Variants in SAMMSON observed in about 807,000 individuals in gnomAD.
The protein encoded by SAMMSON is long intergenic non-protein coding RNA 1212.
intron 1 of SAMMSON, among the ~76,000 whole-genome samples, chr3:70,001,254 T>G (rs891226472): frequency 6.6e-6 from 1 of 152,144 alleles, no homozygotes; most frequent in Non-Finnish European, 1.5e-5. Flanking sequence ...AAACGAAAAG[T>G]AAGTCTGTCT....
chr3:70,128,887 A>G (rs2067469385), intron 4 of SAMMSON, among the ~76,000 whole-genome samples: 1 of 152,228 alleles, frequency 6.6e-6, no homozygotes, highest in Non-Finnish European at 1.5e-5. Flanking sequence ...GTAGTGCAGG[A>G]AAGTGAAAAG....
chr3:70,108,390 ATCCATGTTAGTGTTTC>A (rs1311352008), intron 4 of SAMMSON, among the ~76,000 whole-genome samples: 1 of 127,788 alleles, frequency 7.8e-6, no homozygotes, highest in Non-Finnish European at 1.7e-5. Flanking sequence ...CGCATAGCTT[ATCCATGTTAGTGTTTC>A]TCAACTCTTG....
At chr3:70,372,424 G>C (rs1483001091) in intron 9 of SAMMSON, among the ~76,000 whole-genome samples, 2 of 152,006 alleles carry the variant, frequency 1.3e-5, no homozygotes, top group Admixed American at 6.6e-5. Flanking sequence ...TGATTCTGCT[G>C]CCTCGGCCTC....
chr3:70,379,787 T>C (rs528935513), intron 9 of SAMMSON, among the ~76,000 whole-genome samples: 1 of 151,744 alleles, frequency 6.6e-6, no homozygotes, highest in African/African-American at 2.4e-5. Flanking sequence ...AAAAGCAAAG[T>C]GCAAAAAAAA....
At chr3:70,108,258 C>T (rs1005299253) in intron 4 of SAMMSON, among the ~76,000 whole-genome samples, 7 of 151,860 alleles carry the variant, frequency 4.6e-5, no homozygotes, top group South Asian at 2.1e-4. Flanking sequence ...AGCAACAAGG[C>T]GCCCTGGTGG....
chr3:70,165,170 T>A (rs2067632005), intron 4 of SAMMSON, among the ~76,000 whole-genome samples: 1 of 152,052 alleles, frequency 6.6e-6, no homozygotes, highest in Non-Finnish European at 1.5e-5. Flanking sequence ...ACAAATCTCT[T>A]AATTAGGATG....
At chr3:70,166,442 A>G (rs2067637606) in intron 4 of SAMMSON, among the ~76,000 whole-genome samples, 2 of 149,592 alleles carry the variant, frequency 1.3e-5, no homozygotes, top group Non-Finnish European at 3.0e-5. Flanking sequence ...GTAGATCTCT[A>G]GAAGAGGTGT....
At chr3:70,001,453 G>GT (rs200222434) in intron 1 of SAMMSON, among the ~76,000 whole-genome samples, 7,384 of 128,592 alleles carry the variant, frequency 0.057, 281 homozygotes, top group African/African-American at 0.11. Context: ...TGTTTCTAGT[G>GT]TTTTTTTTTT....
intron 2 of SAMMSON, among the ~76,000 whole-genome samples, chr3:70,427,686 C>A (rs1367641905): frequency 6.9e-6 from 1 of 145,958 alleles, no homozygotes; most frequent in African/African-American, 2.5e-5. Flanking sequence ...TGCAGTGAGT[C>A]GAGATCGCGC....
intron 2 of SAMMSON, among the ~76,000 whole-genome samples, chr3:70,426,121 A>G (rs938313816): frequency 4.6e-5 from 7 of 152,224 alleles, no homozygotes; most frequent in African/African-American, 1.7e-4. Flanking sequence ...TAATCCAGTA[A>G]TATTGAGTTC....
chr3:70,125,262 T>C (rs1004506712), intron 4 of SAMMSON: 1 of 1,273,798 alleles, frequency 7.9e-7, no homozygotes, highest in African/African-American at 1.5e-5. Flanking sequence ...TCAAACATGA[T>C]CTACTGTGTT....
At chr3:70,207,282 T>G (rs1024579934) in intron 4 of SAMMSON, among the ~76,000 whole-genome samples, 3 of 152,080 alleles carry the variant, frequency 2.0e-5, no homozygotes, top group African/African-American at 7.2e-5. Context: ...TATAAATGAA[T>G]AGTCTATAAG....
intron 4 of SAMMSON, among the ~76,000 whole-genome samples, chr3:70,167,641 C>T (rs979168887): frequency 6.6e-6 from 1 of 151,796 alleles, no homozygotes; most frequent in Admixed American, 6.6e-5. Flanking sequence ...AGATCTTTAT[C>T]TCCTGGAAAT....
intron 9 of SAMMSON, among the ~76,000 whole-genome samples, chr3:70,389,383 G>T (rs1178649175): frequency 6.6e-6 from 1 of 152,040 alleles, no homozygotes; most frequent in African/African-American, 2.4e-5. Flanking sequence ...AAAATAGATG[G>T]TCTGAATATT....
chr3:70,261,776 T>A (rs1701868527), intron 6 of SAMMSON, among the ~76,000 whole-genome samples: 1 of 152,106 alleles, frequency 6.6e-6, no homozygotes, highest in Non-Finnish European at 1.5e-5. Flanking sequence ...TAACCTCAAA[T>A]AGCATTTGAA....
intron 3 of SAMMSON, among the ~76,000 whole-genome samples, chr3:70,041,459 G>C (rs1422148884): frequency 6.6e-6 from 1 of 151,990 alleles, no homozygotes; most frequent in Non-Finnish European, 1.5e-5. Context: ...ATAGTAATTA[G>C]GATCTCCAGG....
chr3:70,165,430 G>A (rs2067633051), intron 4 of SAMMSON, among the ~76,000 whole-genome samples: 1 of 151,848 alleles, frequency 6.6e-6, no homozygotes, highest in Non-Finnish European at 1.5e-5. Flanking sequence ...AGTTTTCTTG[G>A]TTCTTCCACA....
intron 2 of SAMMSON, among the ~76,000 whole-genome samples, chr3:70,406,975 G>A (rs1250679020): frequency 6.6e-6 from 1 of 152,174 alleles, no homozygotes; most frequent in Admixed American, 6.5e-5. Flanking sequence ...AGTTCCACAT[G>A]GCCAGGGAGG....
chr3:70,041,476 T>A (rs2067106044), intron 3 of SAMMSON, among the ~76,000 whole-genome samples: 1 of 152,092 alleles, frequency 6.6e-6, no homozygotes, highest in African/African-American at 2.4e-5. Context: ...CAGGTCTCAG[T>A]TTCTTCATCT....
Sources: gnomAD v4.1 joint callset for allele counts (sites outside exome capture counted in the v4.1 genomes callset) on GRCh38, gnomAD v4.1.1 for gene constraint, MANE v1.5 for transcripts, NCBI Gene and HGNC (gene_info 2026-07-23, HGNC 2026-07-21) for gene names.